Variants in UBE2H observed in about 807,000 individuals in gnomAD.
UBE2H encodes ubiquitin-conjugating enzyme E2 H.
UBE2H carries 3 observed loss-of-function variants against 29.0 expected under a neutral mutation model. That is an observed-to-expected ratio of 0.10 (90% CI 0.05 to 0.27). The LOEUF (loss-of-function observed/expected upper bound fraction) is 0.27, where lower values mean the gene tolerates loss of function less well. Ranked by LOEUF, UBE2H falls within the 10% of genes least tolerant of loss-of-function variation. The probability of loss-of-function intolerance (pLI) is 1.00; values close to 1 mark genes in which losing one functional copy is unlikely to be tolerated. For missense variants in UBE2H, 68 were observed against 228.2 expected, an observed-to-expected ratio of 0.30 and a Z score of 4.52; for synonymous variants, 69 against 82.9, an observed-to-expected ratio of 0.83 and a Z score of 0.91.
rs1805272042 is a variant in UBE2H, at chr7:129,833,687, G to C, written c.*1250C>G. 6.6e-6 allele frequency: 1 copy of C among 152,046 alleles called. No individual in the cohort carries two copies. Among genetic ancestry groups the C allele is most frequent in the Non-Finnish European group, 1.5e-5 (1 of 68,010 alleles). 9.4% of individuals were successfully genotyped at this position (152,046 alleles called of 1,614,324 possible). ...TTCGGTCACTCTCTGAAAAAAGCTG[G>C]TTTGTTTTTCCCATGTAGAATCACT... On this transcript the variant is annotated 3_prime_UTR_variant, in exon 7 of 7. Transcript: ENST00000355621.
intron 1 of UBE2H, among the ~76,000 whole-genome samples, chr7:129,888,374 C>T (rs1806405543): frequency 6.6e-6 from 1 of 152,192 alleles, no homozygotes; most frequent in Non-Finnish European, 1.5e-5. Context: ...ATTTAGGGAC[C>T]ATTGCAGTGG....
intron 1 of UBE2H, among the ~76,000 whole-genome samples, chr7:129,931,207 G>T (rs1422489983): frequency 6.7e-6 from 1 of 149,804 alleles, no homozygotes; most frequent in Non-Finnish European, 1.5e-5. Context: ...GGCAACAAGA[G>T]CAAAACCCTG....
At chr7:129,846,666 A>G (rs1472307024) in intron 5 of UBE2H, among the ~76,000 whole-genome samples, 2 of 152,220 alleles carry the variant, frequency 1.3e-5, no homozygotes, top group East Asian at 3.9e-4. Flanking sequence ...AACCACAATT[A>G]GCACACAGGC....
At chr7:129,937,882 C>A (rs1807562770) in intron 1 of UBE2H, among the ~76,000 whole-genome samples, 1 of 152,080 alleles carries the variant, frequency 6.6e-6, no homozygotes, top group Non-Finnish European at 1.5e-5. Flanking sequence ...TTAACAGATG[C>A]TAATAATGTC....
intron 1 of UBE2H, among the ~76,000 whole-genome samples, chr7:129,916,485 A>C (rs1399132642): frequency 6.6e-6 from 1 of 151,918 alleles, no homozygotes; most frequent in Non-Finnish European, 1.5e-5. Flanking sequence ...AAAAAAAAAA[A>C]AAAAAGCCTA....
At chr7:129,847,097 AGTGTAGT>A (rs1805526283) in intron 5 of UBE2H, among the ~76,000 whole-genome samples, 1 of 151,546 alleles carries the variant, frequency 6.6e-6, no homozygotes, top group East Asian at 1.9e-4. Flanking sequence ...CCCAGGCTGG[AGTGTAGT>A]GGCACAATCT....
chr7:129,844,624 C>T (rs116096154), intron 5 of UBE2H, among the ~76,000 whole-genome samples: 164 of 152,146 alleles, frequency 1.1e-3, no homozygotes, highest in African/African-American at 3.6e-3. Context: ...GTCAGCCGAC[C>T]CCATTTCCGC....
At chr7:129,867,206 T>C (rs1805921897) in intron 3 of UBE2H, among the ~76,000 whole-genome samples, 1 of 152,178 alleles carries the variant, frequency 6.6e-6, no homozygotes, top group African/African-American at 2.4e-5. Flanking sequence ...TGAGAACATG[T>C]GCCCCATATT....
chr7:129,916,817 C>T (rs1438086390), intron 1 of UBE2H, among the ~76,000 whole-genome samples: 1 of 152,032 alleles, frequency 6.6e-6, no homozygotes, highest in East Asian at 1.9e-4. Context: ...GAAGGGGGAT[C>T]AAGAGGTTAA....
intron 1 of UBE2H, among the ~76,000 whole-genome samples, chr7:129,882,253 T>C (rs1013027271): frequency 4.6e-5 from 7 of 152,220 alleles, no homozygotes; most frequent in African/African-American, 1.7e-4. Context: ...CAGTAGGAAT[T>C]TTAGGTGACA....
At chr7:129,949,793 A>T (rs1807837497) in intron 1 of UBE2H, among the ~76,000 whole-genome samples, 1 of 152,170 alleles carries the variant, frequency 6.6e-6, no homozygotes, top group African/African-American at 2.4e-5. Context: ...GTTCCCTGCC[A>T]GGCTGTAAAT....
chr7:129,884,656 G>T (rs898748340), intron 1 of UBE2H, among the ~76,000 whole-genome samples: 2 of 148,204 alleles, frequency 1.3e-5, no homozygotes, highest in Non-Finnish European at 3.0e-5. Context: ...GCAGTAGCAT[G>T]ATCACGGCTC....
intron 3 of UBE2H, 87 bp from the exon 4 acceptor site, chr7:129,859,028 A>G (rs1805754896): frequency 4.7e-6 from 5 of 1,057,754 alleles, no homozygotes; most frequent in Admixed American, 3.9e-5. Flanking sequence ...CAGTATTGGG[A>G]AAAGGTGATA....
chr7:129,944,756 G>A lies in UBE2H; in HGVS notation c.53+7747C>T, dbSNP rs374518989. On this transcript the variant is annotated intron_variant, in intron 1 of 6. Coordinates refer to ENST00000355621, the MANE Select transcript of UBE2H (RefSeq NM_003344.4). ...CACACACACACACACACACACGCAC[G>A]CACGCACGCGCATGCGCAAACCCTA... Among the ~76,000 whole-genome samples the A allele has an allele frequency of 4.5e-4, 50 of 110,764 alleles. 1 individual carries two copies. Among genetic ancestry groups the A allele is most frequent in the South Asian group, 1.7e-3 (6 of 3,542 alleles). 72.7% of individuals were successfully genotyped at this position (110,764 alleles called of 152,430 possible).
Position 129,926,150 on chromosome 7 carries a change from GA to G in UBE2H, c.53+26352del, listed in dbSNP as rs1415444764. Among the ~76,000 whole-genome samples the G allele has an allele frequency of 4.6e-5, 7 of 152,248 alleles. No individual in the cohort carries two copies. The South Asian group carries it at 1.5e-3, about 32-fold the overall frequency. ...TTACTTCTTCAAATGTCACACATCT[GA>G]AAAAGTCTATGATTTTTTCTTTTCA... is the stretch of plus-strand genomic sequence containing the variant. On this transcript the variant is annotated intron_variant, in intron 1 of 6. Coordinates refer to ENST00000355621, the MANE Select transcript of UBE2H (RefSeq NM_003344.4).
chr7:129,869,039 T>G (rs1181654546), intron 3 of UBE2H, among the ~76,000 whole-genome samples: 1 of 151,204 alleles, frequency 6.6e-6, no homozygotes, highest in African/African-American at 2.4e-5. Context: ...GGGGTTCAAG[T>G]GATTCTCCTG....
chr7:129,849,915 T>C (rs1195663943), intron 5 of UBE2H, among the ~76,000 whole-genome samples: 2 of 152,238 alleles, frequency 1.3e-5, no homozygotes, highest in African/African-American at 2.4e-5. Flanking sequence ...TATCTTCTCA[T>C]ATTAGCCCAT....
intron 4 of UBE2H, 56 bp from the exon 5 acceptor site, chr7:129,857,619 T>A: frequency 6.4e-7 from 1 of 1,553,304 alleles, no homozygotes. Flanking sequence ...TAGTTGCATG[T>A]ATCTGGCAAC....
At chr7:129,896,132 T>G (rs1806595445) in intron 1 of UBE2H, among the ~76,000 whole-genome samples, 1 of 151,016 alleles carries the variant, frequency 6.6e-6, no homozygotes, top group Non-Finnish European at 1.5e-5. Flanking sequence ...AGGTTAGGAG[T>G]TCAAGACCAG....
Sources: allele counts gnomAD v4.1 joint callset (sites outside exome capture counted in the v4.1 genomes callset), GRCh38; gene constraint gnomAD v4.1.1; transcripts MANE v1.5; gene names NCBI Gene and HGNC (gene_info 2026-07-23, HGNC 2026-07-21).